CPS1: variants seen among roughly 807,000 people sequenced by gnomAD.
CPS1 encodes the protein carbamoyl-phosphate synthase [ammonia], mitochondrial.
Under a neutral mutation model 174.6 loss-of-function variants are expected in CPS1, and 109 were observed. The ratio of observed to expected loss-of-function variants is 0.62; its 90% confidence interval spans 0.53 to 0.73. The LOEUF (loss-of-function observed/expected upper bound fraction) is 0.73, where lower values mean the gene tolerates loss of function less well. Among genes scored for constraint, CPS1 ranks in the 30% least tolerant of loss-of-function variants. The probability of loss-of-function intolerance (pLI) is 0.00; values close to 1 mark genes in which losing one functional copy is unlikely to be tolerated. For missense variants in CPS1, 1,689 were observed against 1,821.9 expected, an observed-to-expected ratio of 0.93 and a Z score of 1.33; for synonymous variants, 637 against 632.0, an observed-to-expected ratio of 1.01 and a Z score of -0.12.
chr2:210,565,631 T>C lies in CPS1; in HGVS notation c.127-7667T>C, dbSNP rs951064679. On this transcript the variant is annotated intron_variant, in intron 1 of 37. Transcript: ENST00000233072. ...AAAGTTTAAACGTATTTCTTTGTTT[T>C]ATGAGATTCAAACAAAATCTCATAA... Among the ~76,000 whole-genome samples, 3 of 152,322 alleles carry C rather than the reference T, an allele frequency of 2.0e-5. No individual in the cohort carries two copies. The East Asian group carries it at 5.8e-4, about 29-fold the overall frequency.
chr2:210,655,784 G>A (rs770971323), intron 29 of CPS1, among the ~76,000 whole-genome samples: 3 of 152,120 alleles, frequency 2.0e-5, no homozygotes, highest in African/African-American at 4.8e-5. Flanking sequence ...AATCTGATAA[G>A]CAAATCTCTT....
chr2:210,585,098 T>G (rs1698061390), intron 6 of CPS1, among the ~76,000 whole-genome samples: 1 of 152,034 alleles, frequency 6.6e-6, no homozygotes, highest in African/African-American at 2.4e-5. Flanking sequence ...CATTTAACTC[T>G]TTGAAAGGAT....
At chr2:210,642,915 G>A (rs980584302) in intron 25 of CPS1, among the ~76,000 whole-genome samples, 1 of 151,982 alleles carries the variant, frequency 6.6e-6, no homozygotes, top group African/African-American at 2.4e-5. Flanking sequence ...TCTTTCTAAG[G>A]GTTTCAGCTA....
intron 6 of CPS1, among the ~76,000 whole-genome samples, chr2:210,583,969 A>T (rs4312427): frequency 0.61 from 92,425 of 152,016 alleles, 28,693 homozygotes; most frequent in African/African-American, 0.73. Context: ...GGGCTGAATG[A>T]GGTCAGGTAA....
chr2:210,663,231 A>G (rs1377002671), intron 33 of CPS1, 34 bp downstream of exon 33: 2 of 1,572,564 alleles, frequency 1.3e-6, no homozygotes, highest in South Asian at 2.2e-5. Context: ...AGCTTTCATT[A>G]AATCTACTTT....
intron 7 of CPS1, 70 bp from the exon 8 acceptor site, chr2:210,590,036 A>G (rs1371003853): frequency 1.3e-6 from 2 of 1,594,436 alleles, no homozygotes; most frequent in Non-Finnish European, 1.7e-6. Context: ...GTCAAGAGAA[A>G]GTCTAGCAAA....
chr2:210,554,836 T>TACACACACACACACAC (rs3060397), upstream of CPS1, among the ~76,000 whole-genome samples: 4 of 147,880 alleles, frequency 2.7e-5, no homozygotes, highest in Admixed American at 1.4e-4. Context: ...CAACCCTCAC[T>TACACACACACACACAC]ACACACACAC....
intron 6 of CPS1, 101 bp downstream of exon 6, chr2:210,582,810 C>T: frequency 1.1e-6 from 1 of 922,470 alleles, no homozygotes; most frequent in Non-Finnish European, 1.8e-6. Flanking sequence ...CTTCCAGAAG[C>T]ACCAGTGTTC....
intron 1 of CPS1, among the ~76,000 whole-genome samples, chr2:210,549,784 C>T (rs1375625783): frequency 1.3e-5 from 2 of 151,950 alleles, no homozygotes; most frequent in African/African-American, 4.8e-5. Context: ...CAATTTTCTA[C>T]AAAACATCTT....
chr2:210,650,961 T>C (rs1444430087), intron 28 of CPS1, among the ~76,000 whole-genome samples: 1 of 152,208 alleles, frequency 6.6e-6, no homozygotes, highest in Non-Finnish European at 1.5e-5. Context: ...GTTTGTGAGT[T>C]AATACAAGCA....
In CPS1 at chr2:210,608,345, T is replaced by C. The variant is rs1193136677; in HGVS notation, c.2193-16T>C. On this transcript the variant is annotated splice_polypyrimidine_tract_variant and intron_variant, in intron 18 of 37. Coordinates refer to ENST00000233072, the MANE Select transcript of CPS1 (RefSeq NM_001875.5). ...TTGCTCGAAGAAAAAAAAATAAATT[T>C]GTCTTCTTTTTATAGCTACCCATTG... 4.3e-6 allele frequency: 7 copies of C among 1,610,114 alleles called. No homozygotes were observed. Among genetic ancestry groups the C allele is most frequent in the Non-Finnish European group, 5.9e-6 (7 of 1,177,426 alleles).
chr2:210,552,474 A>T (rs1696756097), upstream of CPS1, among the ~76,000 whole-genome samples: 1 of 152,028 alleles, frequency 6.6e-6, no homozygotes, highest in South Asian at 2.1e-4. Flanking sequence ...TTTTTGATAG[A>T]TGCACCAACT....
At chr2:210,526,279 G>A (rs1350699757) in intron 1 of CPS1, among the ~76,000 whole-genome samples, 2 of 151,640 alleles carry the variant, frequency 1.3e-5, no homozygotes, top group Admixed American at 6.6e-5. Context: ...AATACCTAAT[G>A]TAGATGATGG....
intron 1 of CPS1, among the ~76,000 whole-genome samples, chr2:210,520,325 C>G (rs1350766985): frequency 6.6e-6 from 1 of 151,924 alleles, no homozygotes; most frequent in African/African-American, 2.4e-5. Flanking sequence ...ACTTTAAGTT[C>G]TGAGATACAT....
At chr2:210,526,532 T>C (rs1559062427) in intron 1 of CPS1, among the ~76,000 whole-genome samples, 1 of 152,058 alleles carries the variant, frequency 6.6e-6, no homozygotes, top group East Asian at 1.9e-4. Flanking sequence ...TTTTAACATA[T>C]TGAAAGGACT....
At chr2:210,552,288 G>GT (rs577722188), upstream of CPS1, among the ~76,000 whole-genome samples, 182 of 147,382 alleles carry the variant, frequency 1.2e-3, no homozygotes, top group East Asian at 5.8e-3. Flanking sequence ...TGATTGCCAG[G>GT]TTTTTTTTTT....
At chr2:210,557,233 A>G (rs1696942768) in intron 1 of CPS1, among the ~76,000 whole-genome samples, 1 of 152,110 alleles carries the variant, frequency 6.6e-6, no homozygotes, top group Non-Finnish European at 1.5e-5. Flanking sequence ...ATTATGGTAC[A>G]CAGTGTGTTA....
In CPS1 at chr2:210,591,903, C is replaced by T. The variant is rs1398138189; in HGVS notation, c.1020C>T (p.Ala340=). The change falls in exon 10 of 38, where the codon GCC becomes GCT. Residue 340 remains alanine, a synonymous_variant. Transcript: ENST00000233072. ...AFITAQNHGY[A]LDNTLPAGWK... ...TTACTGCTCAGAATCATGGCTATGC[C>T]TTGGACAACACCCTCCCTGCTGGCT... 1.9e-6 allele frequency: 3 copies of T among 1,612,454 alleles called. No individual in the cohort carries two copies. The highest frequency in any genetic ancestry group is 2.5e-6 in the Non-Finnish European group (3 of 1,179,056).
At chr2:210,480,108 C>T (rs559294698) in intron 1 of CPS1, among the ~76,000 whole-genome samples, 1 of 152,242 alleles carries the variant, frequency 6.6e-6, no homozygotes, top group Admixed American at 6.5e-5. Flanking sequence ...CTCCATGTGG[C>T]CATTCAGGAT....
Sources: allele counts gnomAD v4.1 joint callset (sites outside exome capture counted in the v4.1 genomes callset), GRCh38; gene constraint gnomAD v4.1.1; transcripts MANE v1.5; gene names NCBI Gene and HGNC (gene_info 2026-07-23, HGNC 2026-07-21).